The following SLCO3A1 variants were observed in gnomAD, a reference collection of about 807,000 sequenced individuals.
SLCO3A1 encodes the protein PGE1 transporter.
In SLCO3A1, 27 loss-of-function variants were observed where a neutral mutation model predicts 63.1. The observed-to-expected ratio is 0.43, with a 90% CI of 0.32 to 0.59. The LOEUF is 0.59. Among genes scored for constraint, SLCO3A1 ranks in the 20% least tolerant of loss-of-function variants. SLCO3A1 has a pLI of 0.09. For missense variants in SLCO3A1, 773 were observed against 945.8 expected (o/e 0.82, Z 2.40); for synonymous variants, 473 against 409.9 (o/e 1.15, Z -1.86).
rs1211773223 is a variant in SLCO3A1 at position 91,900,855 on chromosome 15, T to C, written c.181-15138T>C. On this transcript the variant is annotated intron_variant, in intron 1 of 9. Coordinates refer to ENST00000318445, the MANE Select transcript of SLCO3A1 (RefSeq NM_013272.4). This position sits in a 1 kb window ranked among gnomAD's most constrained non-coding sequence, Gnocchi z 4.3. ...TTTGTAAGGTTGGTAGGTAGTTTTG[T>C]TCAAATCATCTTTATCCTTACTGAT... 6.6e-6 allele frequency among the ~76,000 whole-genome samples: 1 copy of C among 152,266 alleles called. No homozygotes were observed. The highest frequency in any genetic ancestry group is 1.5e-5 in the Non-Finnish European group (1 of 68,040).
chr15:91,963,197 C>T (rs1225092155), intron 2 of SLCO3A1, among the ~76,000 whole-genome samples: 10 of 152,074 alleles, frequency 6.6e-5, no homozygotes, highest in Non-Finnish European at 8.8e-5. Flanking sequence ...CTTCGAGGCC[C>T]GGGAAAGTCC....
At chr15:92,069,669 G>T (rs1168562716) in intron 2 of SLCO3A1, among the ~76,000 whole-genome samples, 1 of 152,142 alleles carries the variant, frequency 6.6e-6, no homozygotes, top group African/African-American at 2.4e-5. Context: ...GACCTGCTGG[G>T]GGAGGAGGCA....
chr15:92,163,554 A>G lies in SLCO3A1; in HGVS notation c.*419A>G. 1 of 915,816 alleles carries G rather than the reference A, an allele frequency of 1.1e-6. No individual in the cohort carries two copies. The highest frequency in any genetic ancestry group is 1.3e-6 in the Non-Finnish European group (1 of 770,910). The allele number at this position is 915,816 out of a possible 1,614,324, so 56.7% of individuals were successfully genotyped here. A position where few individuals can be genotyped will look rare whatever the true frequency, so the allele number is the denominator to read the frequency against. ...AAAGAAGTTTCCTAAAATAAAAAAA[A>G]TTAAAAAAAAAAAACCCACAAGTTG... On this transcript the variant is annotated 3_prime_UTR_variant, in exon 10 of 10. Transcript: ENST00000318445.
rs1047588781 is a variant in SLCO3A1 at position 91,942,926 on chromosome 15, C to T, written c.646+26468C>T. Among the ~76,000 whole-genome samples the T allele has an allele frequency of 6.6e-5, 10 of 152,186 alleles. No individual in the cohort carries two copies. On this transcript the variant is annotated intron_variant, in intron 2 of 9. Coordinates refer to ENST00000318445, the MANE Select transcript of SLCO3A1 (RefSeq NM_013272.4). The surrounding 1 kb of genome is among the most constrained non-coding windows in gnomAD (Gnocchi z 4.1). Reference sequence around the variant, plus strand: ...TCAGACAGAGCAGAACTGCTCTGCCCGAGTGGGCGTGGGGCCCAGGGCCCA... The same window carrying T: ...TCAGACAGAGCAGAACTGCTCTGCCTGAGTGGGCGTGGGGCCCAGGGCCCA...
At chr15:92,141,966 C>G (rs890813353) in intron 7 of SLCO3A1, among the ~76,000 whole-genome samples, 4 of 152,204 alleles carry the variant, frequency 2.6e-5, no homozygotes, top group Non-Finnish European at 5.9e-5. Context: ...GACCACCCAG[C>G]CCATCCTGGT....
At chr15:92,123,079 G>A (rs2047882086) in intron 5 of SLCO3A1, among the ~76,000 whole-genome samples, 1 of 152,136 alleles carries the variant, frequency 6.6e-6, no homozygotes, top group Admixed American at 6.6e-5. Flanking sequence ...AGTTCATCAG[G>A]CTGTTCCCTT....
At chr15:91,890,281 A>G (rs72655650) in intron 1 of SLCO3A1, among the ~76,000 whole-genome samples, 1,543 of 152,304 alleles carry the variant, frequency 0.01, 15 homozygotes, top group Non-Finnish European at 0.015. Context: ...TCATCTCTCC[A>G]TCACCATACT....
At chr15:92,151,153 A>C (rs2048300336) in intron 9 of SLCO3A1, 139 bp downstream of exon 9, 2 of 663,734 alleles carry the variant, frequency 3.0e-6, no homozygotes, top group Non-Finnish European at 5.0e-6. Context: ...AAGAAATTTT[A>C]AGTCTCAAAA....
intron 2 of SLCO3A1, among the ~76,000 whole-genome samples, chr15:91,997,693 A>G (rs8028318): frequency 0.016 from 2,418 of 152,320 alleles, 70 homozygotes; most frequent in African/African-American, 0.054. Flanking sequence ...TAGAGAACCA[A>G]TAAATAAAGC....
intron 1 of SLCO3A1, among the ~76,000 whole-genome samples, chr15:91,855,740 T>G (rs1896900905): frequency 6.6e-6 from 1 of 152,156 alleles, no homozygotes; most frequent in African/African-American, 2.4e-5. Flanking sequence ...CAAATTCACA[T>G]TAATAAAATA....
intron 2 of SLCO3A1, among the ~76,000 whole-genome samples, chr15:91,966,655 T>C (rs1198611082): frequency 6.6e-6 from 1 of 152,142 alleles, no homozygotes; most frequent in African/African-American, 2.4e-5. Flanking sequence ...CAAATGCAAA[T>C]TGTAGGAACA....
chr15:92,166,402 G>A (rs1228004963), downstream of SLCO3A1, among the ~76,000 whole-genome samples: 1 of 152,226 alleles, frequency 6.6e-6, no homozygotes, highest in Non-Finnish European at 1.5e-5. Context: ...GCAGGAGGGA[G>A]CGTGCCCCTC....
chr15:92,168,156 GT>G (rs979386423), downstream of SLCO3A1, among the ~76,000 whole-genome samples: 6 of 152,200 alleles, frequency 3.9e-5, no homozygotes, highest in Non-Finnish European at 7.3e-5. Flanking sequence ...AAGAGCTAGG[GT>G]CTGTCTGGGG....
At chr15:92,116,252 C>G (rs989970780) in intron 4 of SLCO3A1, among the ~76,000 whole-genome samples, 4 of 152,220 alleles carry the variant, frequency 2.6e-5, no homozygotes, top group African/African-American at 9.6e-5. Flanking sequence ...GTTTTCATGA[C>G]TCCTCCAAAA....
At position 92,097,150 on chromosome 15, in the gene SLCO3A1, A is replaced by C. The variant is rs1242245964; in HGVS notation, c.745+2171A>C. On this transcript the variant is annotated intron_variant, in intron 3 of 9. Coordinates refer to ENST00000318445, the MANE Select transcript of SLCO3A1 (RefSeq NM_013272.4). ...TGCTATCAGTGGTGGCCTTGAACCA[A>C]AAGCCTGCGAATGACCAGAATATCT... Among the ~76,000 whole-genome samples the C allele has an allele frequency of 2.0e-5, 3 of 152,216 alleles. No homozygotes were observed. In the South Asian group the frequency reaches 6.2e-4, roughly 32 times the overall value.
At chr15:91,876,312 C>T (rs189213267) in intron 1 of SLCO3A1, among the ~76,000 whole-genome samples, 24 of 152,252 alleles carry the variant, frequency 1.6e-4, no homozygotes, top group African/African-American at 3.9e-4. Context: ...GCTCAATAAA[C>T]GCTAGTGACT....
intron 2 of SLCO3A1, among the ~76,000 whole-genome samples, chr15:92,022,710 T>C (rs2046525430): frequency 6.6e-6 from 1 of 152,178 alleles, no homozygotes; most frequent in Non-Finnish European, 1.5e-5. Flanking sequence ...AATGGTATAA[T>C]AGGTAGTTGA....
Position 91,938,245 on chromosome 15 carries a change from G to A in SLCO3A1, c.646+21787G>A, listed in dbSNP as rs139121868. Among the ~76,000 whole-genome samples, 1,238 of 152,262 alleles carry A rather than the reference G, an allele frequency of 8.1e-3. 19 individuals are homozygous for A. The highest frequency in any genetic ancestry group is 0.013 in the Non-Finnish European group (851 of 68,030). The stretch of plus-strand genomic sequence containing the variant: ...GTTATGAGGATTCTTGTGAAATTTA[G>A]GTATTGTCTAGAAAATCCCAGTGCA... On this transcript the variant is annotated intron_variant, in intron 2 of 9. Transcript: ENST00000318445.
At chr15:92,140,638 A>T (rs12441439) in intron 7 of SLCO3A1, among the ~76,000 whole-genome samples, 11,181 of 152,142 alleles carry the variant, frequency 0.073, 605 homozygotes, top group Admixed American at 0.19. Context: ...GTCACTCAGG[A>T]CTTGCTTTAT....
Sources: allele counts gnomAD v4.1 joint callset (sites outside exome capture counted in the v4.1 genomes callset), GRCh38; gene constraint gnomAD v4.1.1; non-coding constraint Gnocchi (gnomAD v3.1); transcripts MANE v1.5; gene names NCBI Gene and HGNC (gene_info 2026-07-23, HGNC 2026-07-21).